The following AMTN variants were observed in gnomAD, a reference collection of about 807,000 sequenced individuals.
AMTN encodes amelotin, also known as RSTI689.
In AMTN, 29 loss-of-function variants were observed where a neutral mutation model predicts 27.4. The ratio of observed to expected loss-of-function variants is 1.06; its 90% confidence interval spans 0.79 to 1.44. AMTN has a LOEUF of 1.44. Ranked by LOEUF, AMTN falls within the 40% of genes most tolerant of loss-of-function variation. The probability of loss-of-function intolerance (pLI) is 0.00; values close to 1 mark genes in which losing one functional copy is unlikely to be tolerated. For missense variants in AMTN, 247 were observed against 248.8 expected, an observed-to-expected ratio of 0.99 and a Z score of 0.05; for synonymous variants, 86 against 95.7, an observed-to-expected ratio of 0.90 and a Z score of 0.59.
chr4:70,522,383 G>A (rs113051313), intron 2 of AMTN, among the ~76,000 whole-genome samples: 105 of 152,270 alleles, frequency 6.9e-4, no homozygotes, highest in Middle Eastern at 3.4e-3. Flanking sequence ...AAGAATGACG[G>A]CAGCTTACCT....
rs1377470415 is a variant in AMTN at position 70,518,797 on chromosome 4, T to C, written c.20T>C (p.Leu7Pro). The change falls in exon 2 of 9, where the codon CTG (leucine) becomes CCG (proline). Residue 7 changes from leucine (L) to proline (P), a missense_variant. Transcript: ENST00000339336. MRSTIL[L>P]FCLLGSTRSL... The stretch of plus-strand genomic sequence containing the variant: ...TGAAACATGAGGAGTACGATTCTAC[T>C]GTTTTGTCTTCTAGGATCAACTCGG... The C allele has an allele frequency of 1.2e-6, 2 of 1,608,946 alleles. No homozygotes were observed. Among genetic ancestry groups the C allele is most frequent in the Non-Finnish European group, 1.7e-6 (2 of 1,175,286 alleles).
chr4:70,523,778 G>T, intron 3 of AMTN, 90 bp from the exon 4 acceptor site: 2 of 1,119,088 alleles, frequency 1.8e-6, no homozygotes, highest in Non-Finnish European at 2.7e-6. Context: ...CCTCTGACAG[G>T]ACTGTCAATT....
At chr4:70,524,625 A>G (rs938788734) in intron 4 of AMTN, among the ~76,000 whole-genome samples, 2 of 150,390 alleles carry the variant, frequency 1.3e-5, no homozygotes, top group African/African-American at 4.8e-5. Context: ...CTCAAACAGA[A>G]TAGGTTAAAT....
At chr4:70,528,487 A>G (rs753962099) in intron 5 of AMTN, among the ~76,000 whole-genome samples, 59 of 152,254 alleles carry the variant, frequency 3.9e-4, no homozygotes, top group Middle Eastern at 6.8e-3. Flanking sequence ...CGTCTCTACT[A>G]AAAATATAAA....
Position 70,532,445 on chromosome 4 carries a change from T to A in AMTN, c.620-10T>A. ...TACCTACATTTAAAAGGTGTTTTAT[T>A]TTCTTCCAGGAATTCAGTAAGCTGT... On this transcript the variant is annotated splice_polypyrimidine_tract_variant and intron_variant, in intron 8 of 8. Coordinates refer to ENST00000339336, the MANE Select transcript of AMTN (RefSeq NM_212557.4). 1.9e-6 allele frequency: 3 copies of A among 1,601,422 alleles called. No individual in the cohort carries two copies. Among genetic ancestry groups the A allele is most frequent in the Non-Finnish European group, 8.5e-7 (1 of 1,172,022 alleles).
At chr4:70,527,267 C>T (rs758542043) in intron 5 of AMTN, among the ~76,000 whole-genome samples, 3 of 151,986 alleles carry the variant, frequency 2.0e-5, no homozygotes, top group Admixed American at 6.6e-5. Flanking sequence ...ATTTCTCTAC[C>T]GACAACTAAG....
intron 3 of AMTN, 37 bp downstream of exon 3, chr4:70,522,875 T>A: frequency 6.3e-7 from 1 of 1,586,880 alleles, no homozygotes; most frequent in Non-Finnish European, 8.6e-7. Context: ...TACAAACCGG[T>A]AAAGAAAATA....
At position 70,531,308 on chromosome 4, in the gene AMTN, C is replaced by A. The variant is rs1476060532; in HGVS notation, c.619+8C>A. The A allele has an allele frequency of 3.7e-6, 6 of 1,613,128 alleles. No homozygotes were observed. The African/African-American group carries it at 5.3e-5, about 14-fold the overall frequency. On this transcript the variant is annotated splice_region_variant and intron_variant, in intron 8 of 8. Transcript: ENST00000339336. Reference sequence around the variant, plus strand: ...CCACAGAATCAGCAAATGGTAAATTCTCCTAGCTTGGAACATGCTTCTTGG... The same window carrying A: ...CCACAGAATCAGCAAATGGTAAATTATCCTAGCTTGGAACATGCTTCTTGG...
rs185299224 is a variant in AMTN, at chr4:70,531,801, C to T, written c.619+501C>T. On this transcript the variant is annotated intron_variant, in intron 8 of 8. Transcript: ENST00000339336. ...TGCTGGGATTACAGGAGTGCGCCAC[C>T]GCACCTGACCATACAAGCTAATTTT... 1.6e-4 allele frequency among the ~76,000 whole-genome samples: 24 copies of T among 152,192 alleles called. 1 individual carries two copies. Among genetic ancestry groups the T allele is most frequent in the Middle Eastern group, 6.8e-3 (2 of 294 alleles).
At chr4:70,522,007 G>A (rs929377653) in intron 2 of AMTN, among the ~76,000 whole-genome samples, 2 of 152,158 alleles carry the variant, frequency 1.3e-5, no homozygotes, top group African/African-American at 4.8e-5. Context: ...TCAAGGGCTG[G>A]TGCAGAGCCA....
chr4:70,530,906 T>C, intron 7 of AMTN, 133 bp from the exon 8 acceptor site: 1 of 1,228,706 alleles, frequency 8.1e-7, no homozygotes, highest in Non-Finnish European at 1.1e-6. Flanking sequence ...CCCTGAGGAA[T>C]GCCAGGTCTT....
intron 7 of AMTN, among the ~76,000 whole-genome samples, chr4:70,530,676 A>G (rs1736200982): frequency 6.6e-6 from 1 of 152,250 alleles, no homozygotes; most frequent in Admixed American, 6.5e-5. Flanking sequence ...CCTTTGAAAA[A>G]TACATCAAAA....
chr4:70,527,729 G>T (rs543919017), intron 5 of AMTN, among the ~76,000 whole-genome samples: 2 of 152,236 alleles, frequency 1.3e-5, no homozygotes, highest in East Asian at 3.9e-4. Context: ...ATTTTCTATA[G>T]AAATAAGAAT....
At chr4:70,522,589 C>T (rs111761373) in intron 2 of AMTN, among the ~76,000 whole-genome samples, 166 bp from the exon 3 acceptor site, 2 of 152,284 alleles carry the variant, frequency 1.3e-5, no homozygotes, top group African/African-American at 4.8e-5. Flanking sequence ...TTTTTCCACT[C>T]TACATGTCCT....
At chr4:70,523,089 G>T (rs1473057843) in intron 3 of AMTN, among the ~76,000 whole-genome samples, 2 of 152,180 alleles carry the variant, frequency 1.3e-5, no homozygotes, top group African/African-American at 2.4e-5. Context: ...ATAATAATTT[G>T]GTTTAGCAGT....
At chr4:70,525,374 T>G (rs913498636) in intron 5 of AMTN, among the ~76,000 whole-genome samples, 7 of 152,216 alleles carry the variant, frequency 4.6e-5, no homozygotes, top group African/African-American at 1.7e-4. Context: ...GCAAATCTAA[T>G]TGTCCCATTT....
At chr4:70,523,767 A>T in intron 3 of AMTN, 101 bp from the exon 4 acceptor site, 1 of 1,019,660 alleles carries the variant, frequency 9.8e-7, no homozygotes, top group South Asian at 1.4e-5. Context: ...TGGTAAACCC[A>T]CCTCTGACAG....
intron 2 of AMTN, among the ~76,000 whole-genome samples, chr4:70,520,877 T>A (rs1189660268): frequency 1.3e-5 from 2 of 152,168 alleles, no homozygotes; most frequent in African/African-American, 4.8e-5. Context: ...AAGCCAATGT[T>A]CAGGGAAAGA....
chr4:70,525,087 T>A, intron 5 of AMTN, 126 bp downstream of exon 5: 1 of 757,788 alleles, frequency 1.3e-6, no homozygotes, highest in Non-Finnish European at 2.2e-6. Flanking sequence ...ACGAATGTTC[T>A]GCTGAACATA....
Sources: gnomAD v4.1 joint callset for allele counts (sites outside exome capture counted in the v4.1 genomes callset) on GRCh38, gnomAD v4.1.1 for gene constraint, MANE v1.5 for transcripts, NCBI Gene and HGNC (gene_info 2026-07-23, HGNC 2026-07-21) for gene names.